The following COL22A1 variants were observed in gnomAD, a reference collection of about 807,000 sequenced individuals.
The protein encoded by COL22A1 is collagen alpha-1(XXII) chain.
In COL22A1, 221 loss-of-function variants were observed where a neutral mutation model predicts 248.9. The observed-to-expected ratio is 0.89, with a 90% CI of 0.80 to 0.99. The LOEUF is 0.99. COL22A1 is among the 50% of genes least tolerant of loss of function. COL22A1 has a pLI of 0.00. For synonymous variants in COL22A1, 891 were observed against 793.4 expected (o/e 1.12, Z -2.07); for missense variants, 2,240 against 2,179.0 (o/e 1.03, Z -0.56).
At chr8:138,869,847 C>T (rs1363877122) in intron 3 of COL22A1, among the ~76,000 whole-genome samples, 1 of 152,188 alleles carries the variant, frequency 6.6e-6, no homozygotes, top group Non-Finnish European at 1.5e-5. Flanking sequence ...CACTGCTGCC[C>T]ATCCCTCCCA....
intron 1 of COL22A1, among the ~76,000 whole-genome samples, chr8:138,912,818 G>A (rs954650239): frequency 3.9e-5 from 6 of 152,176 alleles, no homozygotes; most frequent in African/African-American, 2.4e-5. Flanking sequence ...TTCTGAGGAG[G>A]GGGACCCGGC....
intron 1 of COL22A1, among the ~76,000 whole-genome samples, chr8:138,888,658 A>G (rs1305429988): frequency 2.6e-5 from 4 of 152,218 alleles, no homozygotes; most frequent in Non-Finnish European, 5.9e-5. Context: ...AGGCAGCTAC[A>G]GGAACAGGAA....
intron 12 of COL22A1, among the ~76,000 whole-genome samples, chr8:138,795,242 A>C (rs1053520290): frequency 5.3e-5 from 8 of 152,206 alleles, no homozygotes; most frequent in Non-Finnish European, 1.2e-4. Flanking sequence ...GCAGAGCCAG[A>C]GAGTGGCGGA....
At chr8:138,790,810 C>G (rs1815965161) in intron 12 of COL22A1, among the ~76,000 whole-genome samples, 1 of 152,084 alleles carries the variant, frequency 6.6e-6, no homozygotes, top group South Asian at 2.1e-4. Context: ...TGGCTGTGCC[C>G]TATCAGTTAT....
intron 7 of COL22A1, among the ~76,000 whole-genome samples, chr8:138,814,097 AC>A (rs1379822289): frequency 6.6e-6 from 1 of 152,200 alleles, no homozygotes; most frequent in Non-Finnish European, 1.5e-5. Context: ...CTTTCGTGGG[AC>A]ACCCCACCTG....
chr8:138,767,364 A>G (rs1031871100), intron 16 of COL22A1, among the ~76,000 whole-genome samples: 4 of 152,136 alleles, frequency 2.6e-5, no homozygotes, highest in Admixed American at 2.6e-4. Context: ...GGGCCCGGAG[A>G]GCACTGAGTA....
intron 18 of COL22A1, among the ~76,000 whole-genome samples, chr8:138,756,701 A>AG (rs1215358438): frequency 2.0e-5 from 3 of 152,152 alleles, no homozygotes; most frequent in Non-Finnish European, 4.4e-5. Context: ...CTTAAGGCTA[A>AG]GGGGGAAGAG....
chr8:138,728,405 A>G (rs908143226), intron 23 of COL22A1, among the ~76,000 whole-genome samples: 8 of 152,078 alleles, frequency 5.3e-5, no homozygotes, highest in Non-Finnish European at 1.2e-4. Context: ...CCAAGCATAC[A>G]GGAGTCTCTT....
chr8:138,829,408 T>TTTTTG (rs1554640278), intron 5 of COL22A1, among the ~76,000 whole-genome samples: 3 of 136,790 alleles, frequency 2.2e-5, no homozygotes, highest in Non-Finnish European at 4.7e-5. Flanking sequence ...TTCCTGTTTT[T>TTTTTG]TTTTTTTTTT....
At chr8:138,724,095 C>G (rs915671262) in intron 25 of COL22A1, among the ~76,000 whole-genome samples, 6 of 152,198 alleles carry the variant, frequency 3.9e-5, no homozygotes, top group Non-Finnish European at 7.3e-5. Flanking sequence ...TCATCCTGCC[C>G]TAAAGAGCTG....
chr8:138,705,976 G>T (rs1828400342), intron 30 of COL22A1, among the ~76,000 whole-genome samples: 1 of 152,170 alleles, frequency 6.6e-6, no homozygotes, highest in Non-Finnish European at 1.5e-5. Context: ...ACCAGGGGTT[G>T]CAATCCTAGT....
chr8:138,595,939 G>A (rs1817503955), intron 62 of COL22A1, among the ~76,000 whole-genome samples: 1 of 152,240 alleles, frequency 6.6e-6, no homozygotes, highest in African/African-American at 2.4e-5. Context: ...TTGTTCAAGA[G>A]AGCTTGGTGA....
intron 12 of COL22A1, among the ~76,000 whole-genome samples, chr8:138,795,035 G>A (rs74351831): frequency 0.02 from 3,105 of 152,136 alleles, 85 homozygotes; most frequent in African/African-American, 0.067. Context: ...TTAAAAGTTT[G>A]TTAGGAGGGT....
intron 25 of COL22A1, 136 bp downstream of exon 25, chr8:138,724,479 G>A (rs1586576538): frequency 3.8e-6 from 3 of 784,276 alleles, no homozygotes; most frequent in East Asian, 2.7e-5. Flanking sequence ...CTGAGCTCCG[G>A]GGCTGCAGGC....
At chr8:138,643,659 T>TAGATAGACAGACAGAC (rs1821933908) in intron 47 of COL22A1, among the ~76,000 whole-genome samples, 1 of 102,570 alleles carries the variant, frequency 9.7e-6, no homozygotes, top group African/African-American at 3.5e-5. Context: ...GACAGATAGA[T>TAGATAGACAGACAGAC]AGATAGACAG....
At chr8:138,635,921 A>G (rs970443926) in intron 48 of COL22A1, among the ~76,000 whole-genome samples, 2 of 152,066 alleles carry the variant, frequency 1.3e-5, no homozygotes, top group Non-Finnish European at 2.9e-5. Flanking sequence ...TCATGCCCTC[A>G]CTGAACTGCA....
intron 47 of COL22A1, among the ~76,000 whole-genome samples, chr8:138,644,746 T>C (rs6990757): frequency 0.93 from 141,054 of 152,290 alleles, 65,959 homozygotes; most frequent in East Asian, 1. Flanking sequence ...TTTCTCCTTC[T>C]GTAAAGATTC....
intron 3 of COL22A1, among the ~76,000 whole-genome samples, chr8:138,847,511 T>C (rs1390764500): frequency 4.6e-5 from 7 of 152,226 alleles, no homozygotes; most frequent in Admixed American, 4.6e-4. Flanking sequence ...AAGTCAATTA[T>C]GATTATTCTA....
chr8:138,632,929 GA>G (rs959399235), intron 49 of COL22A1, among the ~76,000 whole-genome samples: 2 of 151,892 alleles, frequency 1.3e-5, no homozygotes, highest in Non-Finnish European at 2.9e-5. Flanking sequence ...TTGCCAAGTT[GA>G]AAAAAAATTC....
Sources: gnomAD v4.1 joint callset for allele counts (sites outside exome capture counted in the v4.1 genomes callset) on GRCh38, gnomAD v4.1.1 for gene constraint, MANE v1.5 for transcripts, NCBI Gene and HGNC (gene_info 2026-07-23, HGNC 2026-07-21) for gene names.